USP15: variants seen among roughly 807,000 people sequenced by gnomAD.
USP15 encodes the protein ubiquitin specific peptidase 15, also known as ubiquitin carboxyl-terminal hydrolase 15.
In USP15, 18 loss-of-function variants were observed where a neutral mutation model predicts 127.1. The observed-to-expected ratio is 0.14, with a 90% confidence interval of 0.10 to 0.21. The LOEUF (loss-of-function observed/expected upper bound fraction) is 0.21, where lower values mean the gene tolerates loss of function less well. USP15 is among the 10% of genes least tolerant of loss of function. The pLI, the probability that USP15 is intolerant of heterozygous loss-of-function variation, is 1.00. For missense variants in USP15, 805 were observed against 1,159.9 expected (o/e 0.69, Z 4.44); for synonymous variants, 364 against 393.7 (o/e 0.92, Z 0.89).
Position 62,415,210 on chromosome 12 carries a change from T to TG in USP15, c.*10836dup. On this transcript the variant is annotated 3_prime_UTR_variant, in exon 22 of 22. Transcript: ENST00000280377. ...TACCTGGCTAAAGACCCAGGAAGAC[T>TG]GAATGTTTCAGTTTTAGTGCAAAGG... The TG allele has an allele frequency of 6.6e-6, 1 of 152,328 alleles. No homozygotes were observed. The highest frequency in any genetic ancestry group is 1.9e-4 in the East Asian group (1 of 5,188). The allele number at this position is 152,328 out of a possible 1,614,324, so 9.4% of individuals were successfully genotyped here.
At chr12:62,372,324 G>A (rs2066699712) in intron 8 of USP15, among the ~76,000 whole-genome samples, 1 of 152,116 alleles carries the variant, frequency 6.6e-6, no homozygotes, top group African/African-American at 2.4e-5. Context: ...GAGCTGGCAT[G>A]TTAGTCACAG....
intron 11 of USP15, among the ~76,000 whole-genome samples, chr12:62,387,118 G>A (rs2067175268): frequency 6.6e-6 from 1 of 152,122 alleles, no homozygotes; most frequent in Admixed American, 6.5e-5. Flanking sequence ...TGGATATGCT[G>A]ACTTACAGAT....
chr12:62,378,304 A>G (rs1428949047), intron 8 of USP15, among the ~76,000 whole-genome samples: 1 of 152,224 alleles, frequency 6.6e-6, no homozygotes, highest in Non-Finnish European at 1.5e-5. Context: ...ATCGGACATC[A>G]TCTTAGTTTT....
At chr12:62,356,474 A>G (rs1327497686) in intron 8 of USP15, among the ~76,000 whole-genome samples, 2 of 151,948 alleles carry the variant, frequency 1.3e-5, no homozygotes, top group African/African-American at 4.8e-5. Context: ...CATTGCCTTT[A>G]TAGCATTCTT....
At chr12:62,300,873 A>C (rs1381413723) in intron 2 of USP15, among the ~76,000 whole-genome samples, 1 of 152,208 alleles carries the variant, frequency 6.6e-6, no homozygotes, top group Admixed American at 6.5e-5. Flanking sequence ...GCTAAAAGAA[A>C]AAATGTAGTT....
At chr12:62,342,672 G>T (rs1329075326) in intron 6 of USP15, among the ~76,000 whole-genome samples, 3 of 152,102 alleles carry the variant, frequency 2.0e-5, no homozygotes, top group African/African-American at 7.2e-5. Context: ...CTGCAGGTCT[G>T]CTGCAGTTTG....
chr12:62,341,444 A>G (rs558015951), intron 6 of USP15, among the ~76,000 whole-genome samples: 13 of 152,102 alleles, frequency 8.5e-5, no homozygotes, highest in Admixed American at 1.3e-4. Flanking sequence ...GTTTTTTTGC[A>G]CATTAGTTGA....
At chr12:62,270,928 TC>T (rs2063333655) in intron 1 of USP15, among the ~76,000 whole-genome samples, 1 of 151,948 alleles carries the variant, frequency 6.6e-6, no homozygotes, top group Admixed American at 6.6e-5. Flanking sequence ...CTTCTCTCAT[TC>T]GAAATCTACC....
rs140147760 is a variant in USP15 at position 62,393,216 on chromosome 12, G to A, written c.2570+14G>A. On this transcript the variant is annotated intron_variant, in intron 19 of 21. Transcript: ENST00000280377. The stretch of plus-strand genomic sequence containing the variant: ...TTTTCCTATCAAGTAAGCTTTAATT[G>A]TACTTTATAAGCATTGGGCAACTCT... The A allele has an allele frequency of 2.4e-5, 39 of 1,608,878 alleles. No individual in the cohort carries two copies. In the East Asian group the frequency reaches 8.5e-4, roughly 35 times the overall value.
chr12:62,337,561 C>T (rs2065509305), intron 6 of USP15, among the ~76,000 whole-genome samples: 1 of 152,034 alleles, frequency 6.6e-6, no homozygotes, highest in African/African-American at 2.4e-5. Flanking sequence ...TTTGCTGCAC[C>T]TATCAACCCA....
chr12:62,320,675 G>A (rs1340804634), intron 4 of USP15, among the ~76,000 whole-genome samples: 1 of 152,090 alleles, frequency 6.6e-6, no homozygotes, highest in Non-Finnish European at 1.5e-5. Context: ...TAGCTGCTAA[G>A]TAGATAGTAT....
chr12:62,260,431 C>G lies in USP15; in HGVS notation c.17C>G (p.Ala6Gly), dbSNP rs766235581. The part of the protein sequence containing the change: MAEGG[A>G]ADLDTQRSDI... The stretch of plus-strand genomic sequence containing the variant: ...TGGAAGAAGATGGCGGAAGGCGGAG[C>G]GGCGGATCTGGACACCCAGCGGTCT... Residue 6 changes from alanine to glycine, a missense_variant, in exon 1 of 22, where the codon GCG becomes GGG. Physicochemically the swap from Ala to Gly is moderately conservative, Grantham distance 60. Transcript: ENST00000280377. 2.6e-6 allele frequency: 4 copies of G among 1,551,508 alleles called. No individual in the cohort carries two copies. The East Asian group carries it at 7.3e-5, about 28-fold the overall frequency.
rs922552220 is a variant in USP15, at chr12:62,407,529, G to A, written c.*3154G>A. 6.6e-6 allele frequency: 1 copy of A among 152,116 alleles called. No homozygotes were observed. The highest frequency in any genetic ancestry group is 1.5e-5 in the Non-Finnish European group (1 of 67,998). 9.4% of individuals were successfully genotyped at this position (152,116 alleles called of 1,614,324 possible). A position where few individuals can be genotyped will look rare whatever the true frequency, so the allele number is the denominator to read the frequency against. On this transcript the variant is annotated 3_prime_UTR_variant, in exon 22 of 22. Transcript: ENST00000280377. The stretch of plus-strand genomic sequence containing the variant: ...CAGTATTCGAGCATTGAATAAGAAA[G>A]TACCCACTGGAATATTGACTAACCC...
At chr12:62,260,875 G>A (rs1322302253) in intron 1 of USP15, among the ~76,000 whole-genome samples, 1 of 152,134 alleles carries the variant, frequency 6.6e-6, no homozygotes, top group African/African-American at 2.4e-5. Context: ...TCCCGGTGCC[G>A]CGGCTTATCA....
chr12:62,391,944 A>T, intron 17 of USP15, 58 bp downstream of exon 17: 3 of 1,409,428 alleles, frequency 2.1e-6, no homozygotes, highest in Non-Finnish European at 2.9e-6. Flanking sequence ...TGTGATTACC[A>T]GAGATAATCA....
At chr12:62,342,016 T>G (rs1435513571) in intron 6 of USP15, among the ~76,000 whole-genome samples, 5 of 152,164 alleles carry the variant, frequency 3.3e-5, no homozygotes, top group African/African-American at 9.7e-5. Flanking sequence ...TCCAACTTGG[T>G]TCCATTCTCC....
chr12:62,413,971 GTTA>G lies in USP15; in HGVS notation c.*9600_*9602del, dbSNP rs2068095792. 6.6e-6 allele frequency: 1 copy of G among 152,190 alleles called. No homozygotes were observed. The highest frequency in any genetic ancestry group is 1.5e-5 in the Non-Finnish European group (1 of 68,048). The allele number at this position is 152,190 out of a possible 1,614,324, so 9.4% of individuals were successfully genotyped here. A position where few individuals can be genotyped will look rare whatever the true frequency, so the allele number is the denominator to read the frequency against. On this transcript the variant is annotated 3_prime_UTR_variant, in exon 22 of 22. Coordinates refer to ENST00000280377, the MANE Select transcript of USP15 (RefSeq NM_001252078.2). Reference sequence around the variant, plus strand: ...CTGAACATTTAGAGGCCATTGGATGGTTATTAACTGGCCTGGTTTTAATAGTGT... The same window carrying G: ...CTGAACATTTAGAGGCCATTGGATGGTTAACTGGCCTGGTTTTAATAGTGT...
intron 14 of USP15, 56 bp downstream of exon 14, chr12:62,390,044 T>A (rs2067273451): frequency 3.5e-6 from 5 of 1,427,886 alleles, no homozygotes; most frequent in Non-Finnish European, 3.7e-6. Flanking sequence ...AAATATAAAA[T>A]AGCTAATAAA....
chr12:62,304,208 A>G (rs1237908144), intron 3 of USP15, among the ~76,000 whole-genome samples: 1 of 152,154 alleles, frequency 6.6e-6, no homozygotes, highest in African/African-American at 2.4e-5. Flanking sequence ...AGTTCTTGAA[A>G]CCTGTGTCTA....
Sources: gnomAD v4.1 joint callset for allele counts (sites outside exome capture counted in the v4.1 genomes callset) on GRCh38, gnomAD v4.1.1 for gene constraint, MANE v1.5 for transcripts, NCBI Gene and HGNC (gene_info 2026-07-23, HGNC 2026-07-21) for gene names.